The following ADAMTSL1 variants were observed in gnomAD, a reference collection of about 807,000 sequenced individuals.
The protein encoded by ADAMTSL1 is ADAMTS-like protein 1.
ADAMTSL1 carries 126 observed loss-of-function variants against 201.8 expected under a neutral mutation model. The ratio of observed to expected loss-of-function variants is 0.62; its 90% CI spans 0.54 to 0.72. The LOEUF (loss-of-function observed/expected upper bound fraction) is 0.72, where lower values mean the gene tolerates loss of function less well. Ranked by LOEUF, ADAMTSL1 falls within the 30% of genes least tolerant of loss-of-function variation. The pLI is 0.00. For missense variants in ADAMTSL1, 2,679 were observed against 2,277.8 expected (o/e 1.18, Z -3.59); for synonymous variants, 1,121 against 903.4 (o/e 1.24, Z -4.32).
At chr9:18,888,779 C>T (rs982997053) in intron 24 of ADAMTSL1, among the ~76,000 whole-genome samples, 10 of 152,036 alleles carry the variant, frequency 6.6e-5, no homozygotes, top group Non-Finnish European at 1.2e-4. Flanking sequence ...TGTGCCAATA[C>T]GGCACAAAAA....
chr9:18,271,305 A>G (rs1039711200), intron 2 of ADAMTSL1, among the ~76,000 whole-genome samples: 8 of 152,044 alleles, frequency 5.3e-5, no homozygotes, highest in Admixed American at 1.3e-4. Flanking sequence ...TACATTAGGT[A>G]TATCTCCTAA....
intron 1 of ADAMTSL1, among the ~76,000 whole-genome samples, chr9:17,990,850 A>C (rs959465845): frequency 8.5e-5 from 13 of 152,168 alleles, no homozygotes; most frequent in African/African-American, 3.1e-4. Context: ...ACTCTTTGAC[A>C]TATGAGACAA....
At chr9:18,061,775 A>G (rs186585001) in intron 1 of ADAMTSL1, among the ~76,000 whole-genome samples, 58 of 152,354 alleles carry the variant, frequency 3.8e-4, no homozygotes, top group Admixed American at 1.8e-3. Context: ...TTTATATTTC[A>G]CAGAGATCAG....
upstream of ADAMTSL1, among the ~76,000 whole-genome samples, chr9:18,472,205 A>G (rs761739063): frequency 2.6e-5 from 4 of 152,258 alleles, no homozygotes; most frequent in Non-Finnish European, 5.9e-5. Flanking sequence ...GACACATGTA[A>G]CATAGCTTTA....
At chr9:18,027,361 T>C (rs1163278665) in intron 1 of ADAMTSL1, among the ~76,000 whole-genome samples, 1 of 152,008 alleles carries the variant, frequency 6.6e-6, no homozygotes, top group African/African-American at 2.4e-5. Context: ...AACTATAAAC[T>C]TTCATCTTAA....
At chr9:18,097,209 T>G (rs1824290348) in intron 1 of ADAMTSL1, among the ~76,000 whole-genome samples, 1 of 152,218 alleles carries the variant, frequency 6.6e-6, no homozygotes, top group Non-Finnish European at 1.5e-5. Flanking sequence ...GGTTCTGGCT[T>G]CTTTGGTGTA....
intron 2 of ADAMTSL1, among the ~76,000 whole-genome samples, chr9:18,321,710 G>A (rs1563885468): frequency 6.6e-6 from 1 of 152,084 alleles, no homozygotes; most frequent in East Asian, 1.9e-4. Flanking sequence ...GGAGAATGAC[G>A]TGAACCCGGG....
chr9:18,696,286 G>A (rs111348104), intron 13 of ADAMTSL1, among the ~76,000 whole-genome samples: 1 of 152,184 alleles, frequency 6.6e-6, no homozygotes, highest in East Asian at 1.9e-4. Context: ...AGGGAAGAGG[G>A]TGATCCAGGG....
At chr9:18,070,884 A>T (rs62548503) in intron 1 of ADAMTSL1, among the ~76,000 whole-genome samples, 5,925 of 152,258 alleles carry the variant, frequency 0.039, 113 homozygotes, top group Middle Eastern at 0.092. Context: ...AGTGGCATCA[A>T]ATATGTGAAT....
intron 16 of ADAMTSL1, among the ~76,000 whole-genome samples, chr9:18,763,048 G>A (rs1300624455): frequency 1.3e-5 from 2 of 152,142 alleles, no homozygotes; most frequent in Non-Finnish European, 2.9e-5. Context: ...AGATCATACG[G>A]TAGCTCAATT....
intron 2 of ADAMTSL1, among the ~76,000 whole-genome samples, chr9:18,314,954 G>T (rs554778813): frequency 1.3e-5 from 2 of 150,716 alleles, no homozygotes; most frequent in Non-Finnish European, 3.0e-5. Context: ...CCGCTACCAC[G>T]CCCGGCTAAT....
intron 2 of ADAMTSL1, among the ~76,000 whole-genome samples, chr9:18,532,056 A>C (rs955184808): frequency 2.0e-5 from 3 of 152,226 alleles, no homozygotes; most frequent in Non-Finnish European, 4.4e-5. Context: ...TGGAATTCTA[A>C]AACTACTAGG....
At chr9:17,962,394 G>C (rs558060153) in intron 1 of ADAMTSL1, among the ~76,000 whole-genome samples, 1 of 152,280 alleles carries the variant, frequency 6.6e-6, no homozygotes, top group Non-Finnish European at 1.5e-5. Context: ...ACAGTATCAA[G>C]CGTTATTATG....
chr9:18,710,758 T>G (rs566315109), intron 14 of ADAMTSL1, among the ~76,000 whole-genome samples: 2 of 149,672 alleles, frequency 1.3e-5, no homozygotes, highest in African/African-American at 4.9e-5. Flanking sequence ...GTTGTAACAT[T>G]GGGTTGGTCA....
At chr9:18,568,428 A>G (rs972316816) in intron 3 of ADAMTSL1, among the ~76,000 whole-genome samples, 1 of 152,322 alleles carries the variant, frequency 6.6e-6, no homozygotes, top group Admixed American at 6.5e-5. Context: ...GCAGCCTTTT[A>G]TGGTAATCTT....
upstream of ADAMTSL1, among the ~76,000 whole-genome samples, chr9:18,471,408 G>C (rs935539896): frequency 6.6e-6 from 1 of 152,164 alleles, no homozygotes; most frequent in Non-Finnish European, 1.5e-5. Flanking sequence ...CAGTTTCCAC[G>C]TACATAAAAT....
chr9:18,633,419 G>A lies in ADAMTSL1; in HGVS notation c.602-2524G>A, dbSNP rs145895814. On this transcript the variant is annotated intron_variant, in intron 5 of 28. Coordinates refer to ENST00000380548, the MANE Select transcript of ADAMTSL1 (RefSeq NM_001040272.6). ...TGCCTGGCCAAGATGGTGAAACCCC[G>A]TCTCTACTAAAAATACAAAAATTAG... Among the ~76,000 whole-genome samples, 1,453 of 152,052 alleles carry A rather than the reference G, an allele frequency of 9.6e-3. 17 individuals are homozygous for A. Among genetic ancestry groups the A allele is most frequent in the Middle Eastern group, 0.014 (4 of 292 alleles).
In ADAMTSL1 at chr9:18,176,457, G is replaced by A. The variant is rs1828161412; in HGVS notation, c.207+12476G>A. On this transcript the variant is annotated intron_variant, in intron 2 of 29. Transcript: ENST00000680146. ...ATTATAGTTATTGACTATCATGATA[G>A]TAACTGTCATTTATTACCCTCTTCT... is the stretch of plus-strand genomic sequence containing the variant. Among the ~76,000 whole-genome samples the A allele has an allele frequency of 2.0e-5, 3 of 152,062 alleles. No individual in the cohort carries two copies. In the South Asian group the frequency reaches 6.2e-4, roughly 32 times the overall value.
chr9:18,724,592 C>T (rs1025055061), intron 15 of ADAMTSL1, among the ~76,000 whole-genome samples: 1 of 152,188 alleles, frequency 6.6e-6, no homozygotes, highest in Non-Finnish European at 1.5e-5. Context: ...TAGAAGAGTA[C>T]TAGATTTTAG....
Sources: allele counts gnomAD v4.1 joint callset (sites outside exome capture counted in the v4.1 genomes callset), GRCh38; gene constraint gnomAD v4.1.1; transcripts MANE v1.5; gene names NCBI Gene and HGNC (gene_info 2026-07-23, HGNC 2026-07-21).